RECQL4: variants seen among roughly 807,000 people sequenced by gnomAD.
The protein encoded by RECQL4 is RecQ like helicase 4.
A neutral mutation model predicts 128.6 loss-of-function variants in RECQL4; 158 were observed. That is an observed-to-expected ratio of 1.23 (90% CI 1.08 to 1.40). The LOEUF is 1.40. Ranked by LOEUF, RECQL4 falls within the 40% of genes most tolerant of loss-of-function variation. The pLI, the probability that RECQL4 is intolerant of heterozygous loss-of-function variation, is 0.00. For synonymous variants in RECQL4, 996 were observed against 678.9 expected (o/e 1.47, Z -7.26); for missense variants, 2,293 against 1,649.8 (o/e 1.39, Z -6.75).
intron 1 of RECQL4, 23 bp from the exon 2 acceptor site, chr8:144,517,658 G>A (rs558712857): frequency 6.8e-6 from 10 of 1,471,610 alleles, no homozygotes; most frequent in Middle Eastern, 4.7e-4. Flanking sequence ...CGCGTCAGCC[G>A]CGGGCCGCGC....
rs750245958 is a variant in RECQL4 at position 144,516,755 on chromosome 8, C to T, written c.364G>A (p.Ala122Thr). Residue 122 changes from alanine (A) to threonine (T), a missense_variant, in exon 5 of 21, where the codon GCC (alanine) becomes ACC (threonine). Ala to Thr is a moderately conservative substitution (Grantham distance 58). Transcript: ENST00000617875. ...AGAGGCCACGGTCTGCGGCCCAGGG[C>T]TGGTCCGGCCTGGGAGGGGAACAAC... is the stretch of plus-strand genomic sequence containing the variant. ...NLKGTLQAGPALGRRPWPLGR... is the reference protein window; with the variant it reads ...NLKGTLQAGPTLGRRPWPLGR... The T allele has an allele frequency of 1.3e-6, 2 of 1,521,496 alleles. No homozygotes were observed. The highest frequency in any genetic ancestry group is 1.8e-4 in the Middle Eastern group (1 of 5,622). The allele number at this position is 1,521,496 out of a possible 1,614,324, so 94.2% of individuals were successfully genotyped here. A position where few individuals can be genotyped will look rare whatever the true frequency, so the allele number is the denominator to read the frequency against.
At position 144,516,054 on chromosome 8, in the gene RECQL4, C is replaced by A. The variant is rs1586821344; in HGVS notation, c.1065G>T (p.Arg355=). The change falls in exon 5 of 21, where the codon CGG becomes CGT. Residue 355 remains arginine, a synonymous_variant. Transcript: ENST00000617875. The stretch of plus-strand genomic sequence containing the variant: ...CGTAGTGTTTCTGCTTCATGTTGAG[C>A]CGTACGTAATTGCCCCTGTCATGGC... ...LARHDRGNYV[R]LNMKQKHYVR... 2 of 1,612,586 alleles carry A rather than the reference C, an allele frequency of 1.2e-6. No homozygotes were observed. The highest frequency in any genetic ancestry group is 1.7e-6 in the Non-Finnish European group (2 of 1,179,798).
rs567937389 is a variant in RECQL4, at chr8:144,511,491, G to A, written c.3567C>T (p.His1189=). The change falls in exon 21 of 21, where the codon CAC becomes CAT. Residue 1189 remains histidine (H), a synonymous_variant. Coordinates refer to ENST00000617875, the MANE Select transcript of RECQL4 (RefSeq NM_004260.4). The part of the protein sequence containing the change: ...QDRRFWRKYL[H]LSFHALVGLA... ...GGCCCACCAGGGCATGGAAGCTCAG[G>A]TGCAGGTATTTTCTCCAGAAGCGTC... 1.2e-6 allele frequency: 2 copies of A among 1,612,620 alleles called. No homozygotes were observed. The highest frequency in any genetic ancestry group is 1.1e-5 in the South Asian group (1 of 91,086).
In RECQL4 at chr8:144,512,374, G is replaced by C. The variant is rs1172035913; in HGVS notation, c.3055+18C>G. 1 of 1,608,466 alleles carries C rather than the reference G, an allele frequency of 6.2e-7. No individual in the cohort carries two copies. The highest frequency in any genetic ancestry group is 1.1e-5 in the South Asian group (1 of 91,008). ...GGCAGGCAGCGTCCAGGGCGGTGTG[G>C]GGTGGGGAGAGGCGCACCTGTCCTG... On this transcript the variant is annotated intron_variant, in intron 17 of 20. Coordinates refer to ENST00000617875, the MANE Select transcript of RECQL4 (RefSeq NM_004260.4).
At chr8:144,515,559 G>T (rs937050898) in intron 6 of RECQL4, 102 bp from the exon 7 acceptor site, 16 of 1,559,592 alleles carry the variant, frequency 1.0e-5, no homozygotes, top group African/African-American at 1.4e-5. Context: ...AGCAGGCAGT[G>T]CCCTTCCTCT....
Position 144,511,878 on chromosome 8 carries a change from C to A in RECQL4, c.3393+33G>T. The A allele has an allele frequency of 3.1e-6, 5 of 1,609,936 alleles. No homozygotes were observed. The South Asian group carries it at 4.4e-5, about 14-fold the overall frequency. ...CCCATGCAGCCCAGGGAACCTGCAA[C>A]CCCGATGAGCTGCCTGGCCTTACTG... On this transcript the variant is annotated intron_variant, in intron 19 of 20. Transcript: ENST00000617875.
chr8:144,516,836 G>A (rs914384547), intron 4 of RECQL4, 72 bp from the exon 5 acceptor site: 314 of 1,433,070 alleles, frequency 2.2e-4, no homozygotes, highest in Non-Finnish European at 2.6e-4. Flanking sequence ...AAACCTACCT[G>A]AGTCCCCACG....
rs766322229 is a variant in RECQL4, at chr8:144,516,799, C to T, written c.355-35G>A. The T allele has an allele frequency of 3.3e-6, 5 of 1,511,018 alleles. No homozygotes were observed. In the East Asian group the frequency reaches 6.8e-5, roughly 21 times the overall value. 93.6% of individuals were successfully genotyped at this position (1,511,018 alleles called of 1,614,324 possible). On this transcript the variant is annotated intron_variant, in intron 4 of 20. Transcript: ENST00000617875. ...GAACAACAGAACAGCAGGAGGAACT[C>T]AGGCCCCTGAGCTACTGTAGACTCT... is the stretch of plus-strand genomic sequence containing the variant.
Position 144,511,965 on chromosome 8 carries a change from C to T in RECQL4, c.3339G>A (p.Gly1113=), listed in dbSNP as rs1228228080. 1 of 1,611,504 alleles carries T rather than the reference C, an allele frequency of 6.2e-7. No individual in the cohort carries two copies. The highest frequency in any genetic ancestry group is 8.5e-7 in the Non-Finnish European group (1 of 1,179,748). The part of the protein sequence containing the change: ...LLGRYFEEEE[G]QEPGGMEDAQ... ...CGTCCTCCATGCCTCCCGGCTCCTG[C>T]CCTTCCTCTTCCTCAAAGTAGCGGC... Residue 1113 remains glycine, a synonymous_variant, in exon 19 of 21, where the codon GGG becomes GGA. Coordinates refer to ENST00000617875, the MANE Select transcript of RECQL4 (RefSeq NM_004260.4).
At chr8:144,511,826 C>A (rs751838450) in intron 19 of RECQL4, 37 bp from the exon 20 acceptor site, 179 of 1,611,002 alleles carry the variant, frequency 1.1e-4, no homozygotes, top group Non-Finnish European at 1.5e-4. Flanking sequence ...CTCTGAGCTC[C>A]CGTGGCACTG....
rs555407951 is a variant in RECQL4 at position 144,514,995 on chromosome 8, G to A, written c.1561C>T (p.Arg521Trp). 1.3e-4 allele frequency: 214 copies of A among 1,611,452 alleles called. 1 individual carries two copies. The South Asian group carries it at 1.8e-3, about 14-fold the overall frequency. The change falls in exon 9 of 21, where the codon CGG becomes TGG. Residue 521 changes from arginine to tryptophan, a missense_variant. By Grantham distance (101) the Arg-to-Trp change is moderately radical. Coordinates refer to ENST00000617875, the MANE Select transcript of RECQL4 (RefSeq NM_004260.4). ...ACCAACGTGAGGCAGGGGCTGCGCCGGCTGTAGAGCAGCGCTGGGAGCTGG... is the reference window on the plus strand; with the variant it reads ...ACCAACGTGAGGCAGGGGCTGCGCCAGCTGTAGAGCAGCGCTGGGAGCTGG... Reference protein sequence around the residue: ...CYQLPALLYSRRSPCLTLVVS... With the variant: ...CYQLPALLYSWRSPCLTLVVS...
chr8:144,515,038 G>C lies in RECQL4; in HGVS notation c.1518C>G (p.Ala506=), dbSNP rs757280460. 1.2e-6 allele frequency: 2 copies of C among 1,609,542 alleles called. No individual in the cohort carries two copies. Among genetic ancestry groups the C allele is most frequent in the Non-Finnish European group, 8.5e-7 (1 of 1,178,712 alleles). The change falls in exon 9 of 21, where the codon GCC becomes GCG. Residue 506 remains alanine, a synonymous_variant. Coordinates refer to ENST00000617875, the MANE Select transcript of RECQL4 (RefSeq NM_004260.4). ...GGAGCTGGTAGCACAGGGACTTGCC[G>C]GCACCTGTAGGCAGCACCAGCAGCG... ...ISTLLVLPTG[A]GKSLCYQLPA... is the part of the protein sequence containing the mutation.
At position 144,516,050 on chromosome 8, in the gene RECQL4, T is replaced by C. The variant is rs772924895; in HGVS notation, c.1069A>G (p.Asn357Asp). 4 of 1,612,566 alleles carry C rather than the reference T, an allele frequency of 2.5e-6. No individual in the cohort carries two copies. Among genetic ancestry groups the C allele is most frequent in the Non-Finnish European group, 2.5e-6 (3 of 1,179,760 alleles). Residue 357 changes from asparagine to aspartate, a missense_variant, in exon 5 of 21, where the codon AAC (asparagine) becomes GAC (aspartate). Asn to Asp is a conservative substitution (Grantham distance 23, BLOSUM62 1). Transcript: ENST00000617875. ...CGCACGTAGTGTTTCTGCTTCATGT[T>C]GAGCCGTACGTAATTGCCCCTGTCA... Reference protein sequence around the residue: ...RHDRGNYVRLNMKQKHYVRGR... With the variant: ...RHDRGNYVRLDMKQKHYVRGR...
rs1564799470 is a variant in RECQL4 at position 144,514,307 on chromosome 8, GC to G, written c.1759del (p.Ala587ArgfsTer103). 1.2e-6 allele frequency: 2 copies of G among 1,609,494 alleles called. No individual in the cohort carries two copies. Among genetic ancestry groups the G allele is most frequent in the East Asian group, 2.2e-5 (1 of 44,836 alleles). On this transcript the variant is annotated frameshift_variant, in exon 11 of 21. Transcript: ENST00000617875. LOFTEE classifies it high-confidence loss of function. ...LMLTPEALVG[A>X]GGLPPAAQLP... ...CTGTGCGGCTGGAGGGAGGCCTCCC[GC>G]CCCCACCAGTGCCTCAGGTGTCAGC...
chr8:144,513,623 G>A lies in RECQL4; in HGVS notation c.2148C>T (p.Ile716=), dbSNP rs772168426. Residue 716 remains isoleucine, a synonymous_variant, in exon 13 of 21, where the codon ATC becomes ATT. Transcript: ENST00000617875. ...GCAGGCAGGTTCGGAGGAGCGCAGC[G>A]ATCCGCTCTGTGTCCTCGCGCCGGT... is the stretch of plus-strand genomic sequence containing the variant. The part of the protein sequence containing the change: ...YCNRREDTER[I]AALLRTCLHA... The A allele has an allele frequency of 2.4e-5, 39 of 1,601,148 alleles. No homozygotes were observed. In the East Asian group the frequency reaches 3.2e-4, roughly 13 times the overall value.
rs1389831585 is a variant in RECQL4 at position 144,513,913 on chromosome 8, A to G, written c.2058+15T>C. 6.7e-7 allele frequency: 1 copy of G among 1,492,608 alleles called. No homozygotes were observed. The highest frequency in any genetic ancestry group is 2.1e-5 in the Admixed American group (1 of 47,602). The allele number at this position is 1,492,608 out of a possible 1,614,324, so 92.5% of individuals were successfully genotyped here. ...AGCCAGGGCCCTGCAGGGTCCCCAG[A>G]GCACACACACCCACCTGGTCTGTGT... On this transcript the variant is annotated intron_variant, in intron 12 of 20. Coordinates refer to ENST00000617875, the MANE Select transcript of RECQL4 (RefSeq NM_004260.4).
chr8:144,515,123 A>G (rs1827965019), intron 8 of RECQL4, 27 bp downstream of exon 8: 2 of 1,575,362 alleles, frequency 1.3e-6, no homozygotes, highest in Non-Finnish European at 1.7e-6. Flanking sequence ...GCCTCAGCCC[A>G]GCCTCAGCCC....
At position 144,513,647 on chromosome 8, in the gene RECQL4, G is replaced by A. The variant is rs749266091; in HGVS notation, c.2124C>T (p.Asn708=). The A allele has an allele frequency of 1.1e-5, 17 of 1,580,442 alleles. No homozygotes were observed. In the South Asian group the frequency reaches 1.7e-4, roughly 16 times the overall value. Reference sequence around the variant, plus strand: ...CGATCCGCTCTGTGTCCTCGCGCCGGTTGCAGTAAATGATAATGGAATCGA... The same window carrying A: ...CGATCCGCTCTGTGTCCTCGCGCCGATTGCAGTAAATGATAATGGAATCGA... The part of the protein sequence containing the change: ...QNLDSIIIYC[N]RREDTERIAA... The change falls in exon 13 of 21, where the codon AAC becomes AAT. Residue 708 remains asparagine, a synonymous_variant. Transcript: ENST00000617875.
rs758924887 is a variant in RECQL4, at chr8:144,514,219, G to A, written c.1848C>T (p.Asn616=). 6.2e-7 allele frequency: 1 copy of A among 1,612,266 alleles called. No individual in the cohort carries two copies. Among genetic ancestry groups the A allele is most frequent in the African/African-American group, 1.3e-5 (1 of 74,890 alleles). Residue 616 remains asparagine, a synonymous_variant, in exon 11 of 21, where the codon AAC becomes AAT. Transcript: ENST00000617875. The stretch of plus-strand genomic sequence containing the variant: ...AGACGCGCAGGTAGCAGGGCCGGAA[G>A]TTGTGGGACCACTGGGAGAGGCAGT... ...EAHCLSQWSH[N]FRPCYLRVCK... is the part of the protein sequence containing the mutation.
Sources: gnomAD v4.1 joint callset for allele counts on GRCh38, gnomAD v4.1.1 for gene constraint, MANE v1.5 for transcripts, NCBI Gene and HGNC (gene_info 2026-07-23, HGNC 2026-07-21) for gene names.